Variants in ROBO2 observed in about 807,000 individuals in gnomAD.
ROBO2 encodes the protein roundabout guidance receptor 2, also known as roundabout homolog 2.
ROBO2 carries 53 observed loss-of-function variants against 160.8 expected under a neutral mutation model. That is an observed-to-expected ratio of 0.33 (90% CI 0.26 to 0.41). The LOEUF (loss-of-function observed/expected upper bound fraction) is 0.41. Among genes scored for constraint, ROBO2 ranks in the 10% least tolerant of loss-of-function variants. The pLI, the probability that ROBO2 is intolerant of heterozygous loss-of-function variation, is 1.00. For missense variants in ROBO2, 1,577 were observed against 1,722.4 expected (o/e 0.92, Z 1.49); for synonymous variants, 664 against 611.7 (o/e 1.09, Z -1.26).
At chr3:77,399,687 T>TCGTG (rs2075619195) in intron 2 of ROBO2, among the ~76,000 whole-genome samples, 1 of 152,164 alleles carries the variant, frequency 6.6e-6, no homozygotes, top group South Asian at 2.1e-4. Flanking sequence ...GATATAGAGT[T>TCGTG]CGTGCAGTCT....
chr3:76,004,292 A>G (rs1056357390), intron 2 of ROBO2, among the ~76,000 whole-genome samples: 5 of 152,202 alleles, frequency 3.3e-5, no homozygotes, highest in African/African-American at 1.2e-4. Flanking sequence ...GCTACATAGT[A>G]TATGATTCAA....
intron 24 of ROBO2, among the ~76,000 whole-genome samples, chr3:77,638,797 C>G (rs1014795195): frequency 5.3e-5 from 8 of 149,996 alleles, no homozygotes; most frequent in Non-Finnish European, 8.9e-5. Context: ...TTATTTCCAG[C>G]CTATTCTCCC....
chr3:76,586,140 T>C (rs1210830162), intron 2 of ROBO2, among the ~76,000 whole-genome samples: 1 of 152,160 alleles, frequency 6.6e-6, no homozygotes, highest in African/African-American at 2.4e-5. Flanking sequence ...TTCAGGATAA[T>C]AGCAAAATGA....
chr3:76,276,868 G>A (rs926865646), intron 2 of ROBO2, among the ~76,000 whole-genome samples: 4 of 151,472 alleles, frequency 2.6e-5, no homozygotes, highest in South Asian at 2.1e-4. Context: ...GAAATATTTC[G>A]GATATTTTTG....
chr3:76,562,600 A>G (rs1032934424), intron 2 of ROBO2, among the ~76,000 whole-genome samples: 5 of 152,066 alleles, frequency 3.3e-5, no homozygotes, highest in African/African-American at 1.2e-4. Context: ...AAAACAACCA[A>G]TGGAGAATAA....
At chr3:76,018,430 C>G (rs1463234526) in intron 2 of ROBO2, among the ~76,000 whole-genome samples, 1 of 151,656 alleles carries the variant, frequency 6.6e-6, no homozygotes, top group Non-Finnish European at 1.5e-5. Flanking sequence ...TGCTGTATCT[C>G]TATTTACTAT....
chr3:77,083,921 C>A (rs1011973426), intron 1 of ROBO2, among the ~76,000 whole-genome samples: 13 of 151,942 alleles, frequency 8.6e-5, no homozygotes, highest in African/African-American at 3.1e-4. Context: ...GATACTAAAC[C>A]CACATTTGGC....
intron 2 of ROBO2, among the ~76,000 whole-genome samples, chr3:76,313,038 C>A (rs1576363537): frequency 1.3e-5 from 2 of 152,210 alleles, no homozygotes; most frequent in South Asian, 4.1e-4. Context: ...TAGAAATTTG[C>A]TAGCTCTGCT....
chr3:76,190,555 T>G (rs1701960573), intron 2 of ROBO2, among the ~76,000 whole-genome samples: 1 of 152,122 alleles, frequency 6.6e-6, no homozygotes, highest in East Asian at 1.9e-4. Context: ...CAATATGTAG[T>G]TCTAAAAGCT....
chr3:77,082,891 A>G (rs1222160589), intron 1 of ROBO2, among the ~76,000 whole-genome samples: 2 of 152,046 alleles, frequency 1.3e-5, no homozygotes, highest in African/African-American at 2.4e-5. Flanking sequence ...TCTTTAAAAA[A>G]TATATACAGT....
chr3:77,601,434 A>C (rs2094428026), intron 19 of ROBO2, among the ~76,000 whole-genome samples: 1 of 152,208 alleles, frequency 6.6e-6, no homozygotes, highest in African/African-American at 2.4e-5. Flanking sequence ...ATAAAGCATC[A>C]TGTAAAAATA....
intron 2 of ROBO2, among the ~76,000 whole-genome samples, chr3:77,123,673 G>A (rs1040003327): frequency 4.7e-5 from 7 of 150,356 alleles, no homozygotes; most frequent in Non-Finnish European, 1.0e-4. Context: ...GGTAAGGGTA[G>A]AGGACAGCAG....
At chr3:77,536,922 C>T (rs1168120373) in intron 6 of ROBO2, among the ~76,000 whole-genome samples, 2 of 152,008 alleles carry the variant, frequency 1.3e-5, no homozygotes, top group Non-Finnish European at 2.9e-5. Context: ...TCTAAAAATG[C>T]AAGACATTTT....
intron 2 of ROBO2, among the ~76,000 whole-genome samples, chr3:77,292,945 C>T (rs568590909): frequency 1.9e-4 from 27 of 144,792 alleles, no homozygotes; most frequent in Admixed American, 4.9e-4. Context: ...GACGATTAAA[C>T]GGTAAGCTGA....
chr3:77,559,186 G>A (rs1329650963), intron 9 of ROBO2, among the ~76,000 whole-genome samples: 1 of 151,980 alleles, frequency 6.6e-6, no homozygotes, highest in Admixed American at 6.6e-5. Flanking sequence ...ACAGTCCTGT[G>A]GAACAAATCA....
At chr3:76,622,235 G>GAAGAAAGAAAGAAAGA (rs66811756) in intron 2 of ROBO2, among the ~76,000 whole-genome samples, 7 of 44,800 alleles carry the variant, frequency 1.6e-4, no homozygotes, top group Admixed American at 6.1e-4. Flanking sequence ...AGGAAGGAAG[G>GAAGAAAGAAAGAAAGA]AAGAAAGAAA....
At chr3:77,409,805 T>G (rs2076556330) in intron 2 of ROBO2, among the ~76,000 whole-genome samples, 1 of 152,160 alleles carries the variant, frequency 6.6e-6, no homozygotes, top group Non-Finnish European at 1.5e-5. Flanking sequence ...CTAGCTCATA[T>G]TTCCAATTAT....
intron 2 of ROBO2, among the ~76,000 whole-genome samples, chr3:76,546,088 T>C (rs1390702296): frequency 2.0e-5 from 3 of 151,882 alleles, no homozygotes; most frequent in African/African-American, 7.2e-5. Context: ...TGGGTGTATA[T>C]AGAAGTTCCT....
chr3:75,907,069 G>C (rs1193236834), intron 1 of ROBO2: 1 of 152,312 alleles, frequency 6.6e-6, no homozygotes, highest in Admixed American at 6.5e-5. Context: ...CCAAATTCAC[G>C]GAAGGTCTTG....
Sources: allele counts gnomAD v4.1 joint callset (sites outside exome capture counted in the v4.1 genomes callset), GRCh38; gene constraint gnomAD v4.1.1; transcripts MANE v1.5; gene names NCBI Gene and HGNC (gene_info 2026-07-23, HGNC 2026-07-21).